Variants in HEXIM2 observed in about 807,000 individuals in gnomAD.
HEXIM2 encodes the protein protein HEXIM2.
For missense variants in HEXIM2, 413 were observed against 390.8 expected (o/e 1.06, Z -0.48); for synonymous variants, 159 against 162.7 (o/e 0.98, Z 0.17).
intron 1 of HEXIM2, 115 bp downstream of exon 1, chr17:45,162,146 C>T (rs2042716034): frequency 2.5e-6 from 1 of 395,708 alleles, no homozygotes; most frequent in Non-Finnish European, 3.4e-6. Flanking sequence ...AGACCTCTTT[C>T]CCCTTTTCTC....
chr17:45,161,097 CTG>C, upstream of HEXIM2: 2 of 520,146 alleles, frequency 3.8e-6, no homozygotes, highest in Non-Finnish European at 6.8e-6. Context: ...GGGAGTCCCT[CTG>C]TGCGGGGCCT....
chr17:45,162,919 C>T, intron 3 of HEXIM2, 60 bp downstream of exon 3: 1 of 1,126,518 alleles, frequency 8.9e-7, no homozygotes, highest in Non-Finnish European at 1.4e-6. Context: ...CAGCTGAGAT[C>T]CAAACTTCTT....
At chr17:45,164,878 C>T (rs2042797177) in intron 3 of HEXIM2, among the ~76,000 whole-genome samples, 1 of 152,140 alleles carries the variant, frequency 6.6e-6, no homozygotes, top group Non-Finnish European at 1.5e-5. Flanking sequence ...CCCTGCCTAG[C>T]CCATTCCGTG....
chr17:45,169,548 C>T lies in HEXIM2; in HGVS notation c.600C>T (p.Phe200=), dbSNP rs1240780376. The stretch of plus-strand genomic sequence containing the variant: ...ACTTCTCTGAGACTTACGAACGCTT[C>T]CACACCGAGAGCCTGCAGGGCCGCA... ...RKDFSETYER[F]HTESLQGRSK... The change falls in exon 4 of 4, where the codon TTC becomes TTT. Residue 200 remains phenylalanine (F), a synonymous_variant. Coordinates refer to ENST00000589230, the MANE Select transcript of HEXIM2 (RefSeq NM_001303441.2). 11 of 1,568,686 alleles carry T rather than the reference C, an allele frequency of 7.0e-6. No homozygotes were observed. Among genetic ancestry groups the T allele is most frequent in the Non-Finnish European group, 9.5e-6 (11 of 1,157,668 alleles).
At chr17:45,162,409 CT>C in intron 1 of HEXIM2, 78 bp from the exon 2 acceptor site, 1 of 1,063,370 alleles carries the variant, frequency 9.4e-7, no homozygotes, top group Non-Finnish European at 1.2e-6. Context: ...GGCAGTCCTC[CT>C]TTGCCCCTTT....
At chr17:45,161,069 C>A (rs2042669739), upstream of HEXIM2, 2 of 710,084 alleles carry the variant, frequency 2.8e-6, no homozygotes, top group Non-Finnish European at 4.3e-6. Flanking sequence ...GCGTCGCCCC[C>A]ACCTCTCCAG....
Position 45,169,535 on chromosome 17 carries a change from C to A in HEXIM2, c.587C>A (p.Thr196Asn). The A allele has an allele frequency of 6.3e-7, 1 of 1,580,360 alleles. No homozygotes were observed. Among genetic ancestry groups the A allele is most frequent in the Non-Finnish European group, 8.6e-7 (1 of 1,163,832 alleles). Residue 196 changes from threonine to asparagine, a missense_variant, in exon 4 of 4, where the codon ACT becomes AAT. Thr to Asn is a moderately conservative substitution (Grantham distance 65). Coordinates refer to ENST00000589230, the MANE Select transcript of HEXIM2 (RefSeq NM_001303441.2). The stretch of plus-strand genomic sequence containing the variant: ...TTCCAGCGGAAGGACTTCTCTGAGA[C>A]TTACGAACGCTTCCACACCGAGAGC... Reference protein sequence around the residue: ...GEFQRKDFSETYERFHTESLQ... With the variant: ...GEFQRKDFSENYERFHTESLQ...
intron 3 of HEXIM2, among the ~76,000 whole-genome samples, chr17:45,166,806 T>C (rs575067484): frequency 6.6e-6 from 1 of 151,988 alleles, no homozygotes; most frequent in Admixed American, 6.6e-5. Context: ...GGTGGATCAC[T>C]TGATGTCAGG....
rs547618119 is a variant in HEXIM2, at chr17:45,164,357, A to G, written c.66+1498A>G. Among the ~76,000 whole-genome samples, 58 of 152,342 alleles carry G rather than the reference A, an allele frequency of 3.8e-4. No homozygotes were observed. In the East Asian group the frequency reaches 0.011, roughly 29 times the overall value. On this transcript the variant is annotated intron_variant, in intron 3 of 3. Transcript: ENST00000589230. ...ATAATCCCAGCTAGTTGGGAGGCTGAGGCAGGAGAATCGCTTGAAACTGGG... is the reference window on the plus strand; with the variant it reads ...ATAATCCCAGCTAGTTGGGAGGCTGGGGCAGGAGAATCGCTTGAAACTGGG...
At chr17:45,161,317 C>A (rs970824220), upstream of HEXIM2, 11 of 292,968 alleles carry the variant, frequency 3.8e-5, no homozygotes, top group Non-Finnish European at 5.6e-5. Context: ...GTTTGAGGAC[C>A]GGGCTCGGCC....
intron 3 of HEXIM2, among the ~76,000 whole-genome samples, chr17:45,165,192 A>G (rs1658154480): frequency 6.6e-6 from 1 of 152,190 alleles, no homozygotes; most frequent in African/African-American, 2.4e-5. Flanking sequence ...GGCCCAAGCC[A>G]CTGGTGGAGA....
upstream of HEXIM2, chr17:45,160,572 A>G (rs79940844): frequency 4.0e-3 from 971 of 240,120 alleles, 10 homozygotes; most frequent in African/African-American, 0.02. Flanking sequence ...GCAGATGTTG[A>G]TGAAGCATAC....
rs771514868 is a variant in HEXIM2, at chr17:45,162,816, C to T, written c.23C>T (p.Thr8Ile). MMATPNQTACNAESPVAL... is the reference protein window; with the variant it reads MMATPNQIACNAESPVAL... The stretch of plus-strand genomic sequence containing the variant: ...AAGATGATGGCCACTCCGAACCAGA[C>T]CGCCTGTAATGCAGAGTCACCAGTG... Residue 8 changes from threonine to isoleucine, a missense_variant, in exon 3 of 4, where the codon ACC becomes ATC. Thr to Ile is a moderately conservative substitution (Grantham distance 89, BLOSUM62 -1). Coordinates refer to ENST00000589230, the MANE Select transcript of HEXIM2 (RefSeq NM_001303441.2). The T allele has an allele frequency of 6.8e-6, 11 of 1,613,768 alleles. No homozygotes were observed. The Admixed American group carries it at 1.3e-4, about 20-fold the overall frequency.
At chr17:45,164,199 T>A (rs1022767200) in intron 3 of HEXIM2, among the ~76,000 whole-genome samples, 1 of 150,638 alleles carries the variant, frequency 6.6e-6, no homozygotes, top group African/African-American at 2.4e-5. Flanking sequence ...CTCACGCCTG[T>A]AATCCCAGCA....
chr17:45,169,764 G>C lies in HEXIM2; in HGVS notation c.816G>C (p.Met272Ile). The C allele has an allele frequency of 6.8e-7, 1 of 1,463,826 alleles. No individual in the cohort carries two copies. Among genetic ancestry groups the C allele is most frequent in the South Asian group, 1.4e-5 (1 of 72,042 alleles). 90.7% of individuals were successfully genotyped at this position (1,463,826 alleles called of 1,614,324 possible). ...ENQRLRQENQ[M>I]WNREGCRCDE... Reference sequence around the variant, plus strand: ...AGCGGCTTCGTCAGGAGAACCAGATGTGGAACCGAGAGGGCTGCCGCTGTG... The same window carrying C: ...AGCGGCTTCGTCAGGAGAACCAGATCTGGAACCGAGAGGGCTGCCGCTGTG... The change falls in exon 4 of 4, where the codon ATG (methionine) becomes ATC (isoleucine). Residue 272 changes from methionine to isoleucine, a missense_variant. Transcript: ENST00000589230.
At position 45,162,654 on chromosome 17, in the gene HEXIM2, C is replaced by T. The variant is rs899136844; in HGVS notation, c.-45+19C>T. On this transcript the variant is annotated intron_variant, in intron 2 of 3. Coordinates refer to ENST00000589230, the MANE Select transcript of HEXIM2 (RefSeq NM_001303441.2). ...AATAAGGGTATGAAGGGCTGGGGTA[C>T]AAAATGGCTGCCACTGCCTGGGCAA... 3 of 1,544,772 alleles carry T rather than the reference C, an allele frequency of 1.9e-6. No homozygotes were observed. The African/African-American group carries it at 4.1e-5, about 21-fold the overall frequency.
In HEXIM2 at chr17:45,161,900, C is replaced by T. The variant is rs569906840; in HGVS notation, c.-324C>T. 1.0e-6 allele frequency: 1 copy of T among 985,696 alleles called. No homozygotes were observed. Among genetic ancestry groups the T allele is most frequent in the African/African-American group, 1.7e-5 (1 of 57,368 alleles). The allele number at this position is 985,696 out of a possible 1,614,324, so 61.1% of individuals were successfully genotyped here. ...CTCTCTTCCCCCCCATCTTAGTGGC[C>T]TGAGCGGCTTGACCAGAGCTGCTGC... On this transcript the variant is annotated 5_prime_UTR_variant, in exon 1 of 4. Transcript: ENST00000589230.
rs143649734 is a variant in HEXIM2 at position 45,169,521 on chromosome 17, G to T, written c.573G>T (p.Lys191Asn). The change falls in exon 4 of 4, where the codon AAG (lysine) becomes AAT (asparagine). Residue 191 changes from lysine to asparagine, a missense_variant. Physicochemically the swap from Lys to Asn is moderately conservative, Grantham distance 94. Transcript: ENST00000589230. The part of the protein sequence containing the change: ...RGRAHGEFQR[K>N]DFSETYERFH... ...GAGCGCACGGTGAGTTCCAGCGGAA[G>T]GACTTCTCTGAGACTTACGAACGCT... 6.0e-5 allele frequency: 96 copies of T among 1,599,614 alleles called. No individual in the cohort carries two copies. In the East Asian group the frequency reaches 7.9e-4, roughly 13 times the overall value.
At chr17:45,168,897 A>G in intron 3 of HEXIM2, 118 bp from the exon 4 acceptor site, 4 of 969,916 alleles carry the variant, frequency 4.1e-6, no homozygotes, top group Non-Finnish European at 6.2e-6. Flanking sequence ...TGAGGGGCTA[A>G]GAGTGACCAA....
Sources: allele counts gnomAD v4.1 joint callset (sites outside exome capture counted in the v4.1 genomes callset), GRCh38; gene constraint gnomAD v4.1.1; transcripts MANE v1.5; gene names NCBI Gene and HGNC (gene_info 2026-07-23, HGNC 2026-07-21).